Variants in ROBO1 observed in about 807,000 individuals in gnomAD.
ROBO1 encodes roundabout guidance receptor 1.
In ROBO1, 149 loss-of-function variants were observed where a neutral mutation model predicts 195.9. That is an observed-to-expected ratio of 0.76 (90% CI 0.67 to 0.87). ROBO1 has a LOEUF of 0.87. Ranked by LOEUF, ROBO1 falls within the 40% of genes least tolerant of loss-of-function variation. ROBO1 has a pLI of 0.00. For synonymous variants in ROBO1, 816 were observed against 733.2 expected (o/e 1.11, Z -1.82); for missense variants, 1,933 against 2,068.3 (o/e 0.93, Z 1.27).
chr3:79,231,525 C>T (rs192927349), intron 2 of ROBO1, among the ~76,000 whole-genome samples: 8 of 151,924 alleles, frequency 5.3e-5, no homozygotes, highest in Non-Finnish European at 1.2e-4. Flanking sequence ...AATCTCACAC[C>T]CGTCAGAATG....
chr3:79,002,755 A>G (rs890687262), intron 3 of ROBO1, among the ~76,000 whole-genome samples: 3 of 152,068 alleles, frequency 2.0e-5, no homozygotes, highest in Non-Finnish European at 4.4e-5. Context: ...GGTGTAACTT[A>G]ATTAGTAGAG....
intron 2 of ROBO1, among the ~76,000 whole-genome samples, chr3:79,316,148 C>T (rs1370149296): frequency 1.3e-5 from 2 of 152,104 alleles, no homozygotes; most frequent in African/African-American, 4.8e-5. Context: ...TTTAGACAAA[C>T]TCTAAGATGA....
chr3:78,633,816 A>C, intron 24 of ROBO1, 119 bp downstream of exon 24: 1 of 532,560 alleles, frequency 1.9e-6, no homozygotes, highest in East Asian at 3.1e-5. Flanking sequence ...CCTGAGACTC[A>C]AATTACATAC....
intron 1 of ROBO1, among the ~76,000 whole-genome samples, chr3:79,653,408 T>C (rs1946070925): frequency 6.6e-6 from 1 of 151,984 alleles, no homozygotes; most frequent in African/African-American, 2.4e-5. Context: ...AAAACCTCTC[T>C]CATATTTCAC....
intron 2 of ROBO1, among the ~76,000 whole-genome samples, chr3:79,249,419 C>T (rs1479557271): frequency 6.6e-6 from 1 of 152,160 alleles, no homozygotes; most frequent in African/African-American, 2.4e-5. Context: ...GTCATCTCAC[C>T]TATGACCCCT....
At chr3:78,636,159 T>C in intron 22 of ROBO1, 51 bp from the exon 23 acceptor site, 4 of 1,347,184 alleles carry the variant, frequency 3.0e-6, no homozygotes, top group Non-Finnish European at 4.1e-6. Context: ...TGGTTATTCC[T>C]TTTAAATTTC....
chr3:79,449,588 C>G (rs1279717606), intron 2 of ROBO1, among the ~76,000 whole-genome samples: 1 of 152,052 alleles, frequency 6.6e-6, no homozygotes, highest in Non-Finnish European at 1.5e-5. Context: ...AATCTTCAAA[C>G]AGATTAGTTT....
In ROBO1 at chr3:79,564,391, C is replaced by A. The variant is rs142794129; in HGVS notation, c.88+25433G>T. On this transcript the variant is annotated intron_variant, in intron 2 of 30. Transcript: ENST00000464233. ...TGGGAGGCAGTAATCATATGTCATC[C>A]CGTGATCTACTGCTGTGTTGTGCTA... 5.1e-4 allele frequency among the ~76,000 whole-genome samples: 78 copies of A among 152,006 alleles called. 1 individual carries two copies. In the East Asian group the frequency reaches 0.013, roughly 26 times the overall value.
chr3:79,150,250 C>CT (rs375015691), intron 2 of ROBO1, among the ~76,000 whole-genome samples: 165 of 143,124 alleles, frequency 1.2e-3, no homozygotes, highest in African/African-American at 2.5e-3. Context: ...GTTGATTTTT[C>CT]TTTTTTTTTT....
At position 78,617,640 on chromosome 3, in the gene ROBO1, G is replaced by A. The variant is rs144347368; in HGVS notation, c.4277C>T (p.Ala1426Val). ...TGAAAAGTGTTAGGACTCACCAGCA[G>A]CATCCTGCATTTGCCGTCGTGCTAC... ...LKVARRQMQD[A>V]AGRRHFHASQ... Residue 1426 changes from alanine (A) to valine (V), a missense_variant, in exon 27 of 31, where the codon GCT (alanine) becomes GTT (valine). By Grantham distance (64) the Ala-to-Val change is moderately conservative (BLOSUM62 0). Around this residue, in one of 3 missense-constraint regions of ROBO1, gnomAD observed 1,737 missense variants for 1,882.5 expected, o/e 0.92. Coordinates refer to ENST00000464233, the MANE Select transcript of ROBO1 (RefSeq NM_002941.4). The A allele has an allele frequency of 1.0e-4, 165 of 1,608,204 alleles. No homozygotes were observed. The East Asian group carries it at 3.2e-3, about 32-fold the overall frequency.
At chr3:78,605,994 T>C (rs3773191) in intron 29 of ROBO1, among the ~76,000 whole-genome samples, 30,586 of 152,120 alleles carry the variant, frequency 0.2, 3,305 homozygotes, top group East Asian at 0.44. Flanking sequence ...AGAGTGTTAC[T>C]GTAATGTTTC....
At chr3:79,515,930 T>C (rs1390004076) in intron 2 of ROBO1, among the ~76,000 whole-genome samples, 1 of 152,166 alleles carries the variant, frequency 6.6e-6, no homozygotes, top group East Asian at 1.9e-4. Context: ...TTTTACTTCA[T>C]GAATAAAATA....
chr3:79,501,646 A>T (rs1940076047), intron 2 of ROBO1, among the ~76,000 whole-genome samples: 1 of 152,240 alleles, frequency 6.6e-6, no homozygotes, highest in African/African-American at 2.4e-5. Flanking sequence ...TGCATCTGTC[A>T]AATTCAGTTA....
intron 2 of ROBO1, among the ~76,000 whole-genome samples, chr3:79,460,448 C>T (rs1396571688): frequency 1.3e-5 from 2 of 151,992 alleles, no homozygotes; most frequent in East Asian, 3.9e-4. Flanking sequence ...AATTTTATAC[C>T]AGTAAAGCAA....
At chr3:79,727,621 A>G (rs1192389579) in intron 1 of ROBO1, among the ~76,000 whole-genome samples, 1 of 152,194 alleles carries the variant, frequency 6.6e-6, no homozygotes, top group Admixed American at 6.5e-5. Context: ...TTTTAAAGAA[A>G]TATCTATTAA....
At chr3:79,581,867 A>C (rs973138264) in intron 2 of ROBO1, among the ~76,000 whole-genome samples, 20 of 152,100 alleles carry the variant, frequency 1.3e-4, no homozygotes, top group African/African-American at 4.8e-4. Context: ...TTGAAAGAAC[A>C]AATCATATAT....
intron 2 of ROBO1, among the ~76,000 whole-genome samples, chr3:79,567,601 A>G (rs11918047): frequency 6.6e-6 from 1 of 151,940 alleles, no homozygotes; most frequent in African/African-American, 2.4e-5. Flanking sequence ...GTATTGTTAC[A>G]TATTATACCT....
chr3:79,012,467 TC>T (rs2077806232), intron 3 of ROBO1, among the ~76,000 whole-genome samples: 1 of 152,160 alleles, frequency 6.6e-6, no homozygotes, highest in South Asian at 2.1e-4. Flanking sequence ...CTATCCACTT[TC>T]CCCTCAAAAT....
intron 3 of ROBO1, among the ~76,000 whole-genome samples, chr3:79,043,272 C>G (rs2078522127): frequency 6.6e-6 from 1 of 152,056 alleles, no homozygotes; most frequent in Non-Finnish European, 1.5e-5. Flanking sequence ...CAATTTAACA[C>G]CAAATCACCA....
Sources: gnomAD v4.1 joint callset for allele counts (sites outside exome capture counted in the v4.1 genomes callset) on GRCh38, gnomAD v4.1.1 for gene constraint, gnomAD v4.1.1 regional missense constraint, MANE v1.5 for transcripts, NCBI Gene and HGNC (gene_info 2026-07-23, HGNC 2026-07-21) for gene names.